Variants in HS2ST1 observed in about 807,000 individuals in gnomAD.
The protein encoded by HS2ST1 is heparan sulfate 2-O-sulfotransferase 1.
HS2ST1 carries 18 observed loss-of-function variants against 42.9 expected under a neutral mutation model. The observed-to-expected ratio is 0.42, with a 90% CI of 0.29 to 0.62. The LOEUF is 0.62. HS2ST1 is among the 20% of genes least tolerant of loss of function. The pLI, the probability that HS2ST1 is intolerant of heterozygous loss-of-function variation, is 0.21. For missense variants in HS2ST1, 334 were observed against 433.8 expected (o/e 0.77, Z 2.04); for synonymous variants, 146 against 152.9 (o/e 0.95, Z 0.33).
chr1:87,098,889 T>G (rs1322316236), intron 5 of HS2ST1, among the ~76,000 whole-genome samples: 1 of 152,104 alleles, frequency 6.6e-6, no homozygotes, highest in East Asian at 1.9e-4. Context: ...TCACAATTCT[T>G]CTGTCTCAGC....
intron 1 of HS2ST1, among the ~76,000 whole-genome samples, chr1:86,989,773 A>C (rs1219050115): frequency 6.6e-6 from 1 of 151,942 alleles, no homozygotes; most frequent in Non-Finnish European, 1.5e-5. Context: ...CCCTGTGTCC[A>C]TGTGTTCTCA....
chr1:87,085,281 T>G (rs1651794226), intron 3 of HS2ST1, among the ~76,000 whole-genome samples: 1 of 152,184 alleles, frequency 6.6e-6, no homozygotes, highest in African/African-American at 2.4e-5. Context: ...CACACCTTGA[T>G]ATATTGGTCA....
chr1:87,090,850 G>A (rs539030200), intron 3 of HS2ST1, among the ~76,000 whole-genome samples: 2 of 151,976 alleles, frequency 1.3e-5, no homozygotes, highest in South Asian at 4.1e-4. Flanking sequence ...CTGGCACTTA[G>A]CTGCCTCAAG....
At chr1:86,924,070 A>G (rs960190960) in intron 1 of HS2ST1, among the ~76,000 whole-genome samples, 10 of 152,242 alleles carry the variant, frequency 6.6e-5, no homozygotes, top group Admixed American at 5.9e-4. Flanking sequence ...CATTGGGTAA[A>G]TACAGCCATT....
chr1:87,099,084 C>A (rs144468556), intron 5 of HS2ST1, among the ~76,000 whole-genome samples: 2 of 152,284 alleles, frequency 1.3e-5, no homozygotes, highest in African/African-American at 4.8e-5. Flanking sequence ...AGCTGTGTCA[C>A]CTGTTTTATA....
intron 1 of HS2ST1, among the ~76,000 whole-genome samples, chr1:87,004,576 A>G (rs1272603609): frequency 6.6e-6 from 1 of 152,246 alleles, no homozygotes; most frequent in African/African-American, 2.4e-5. Context: ...AGAAATATTT[A>G]CTCTGTATTA....
At chr1:87,002,994 C>T (rs965779527) in intron 1 of HS2ST1, among the ~76,000 whole-genome samples, 1 of 152,178 alleles carries the variant, frequency 6.6e-6, no homozygotes, top group Non-Finnish European at 1.5e-5. Context: ...GCAATAGGTG[C>T]AGAGGTTGGA....
chr1:87,098,347 G>C, intron 5 of HS2ST1: 2 of 985,240 alleles, frequency 2.0e-6, no homozygotes, highest in Non-Finnish European at 2.4e-6. Flanking sequence ...AACTGATTTT[G>C]ACTTTAAGAG....
intron 1 of HS2ST1, chr1:86,993,271 CA>C (rs1649010874): frequency 9.7e-7 from 1 of 1,028,278 alleles, no homozygotes; most frequent in Admixed American, 2.9e-5. Flanking sequence ...TAGGATTTGG[CA>C]GGGGGGTACC....
At chr1:87,007,338 A>T (rs1238585824) in intron 1 of HS2ST1, among the ~76,000 whole-genome samples, 1 of 152,078 alleles carries the variant, frequency 6.6e-6, no homozygotes, top group Admixed American at 6.5e-5. Flanking sequence ...ATATTTTGTG[A>T]TGCTTGGCTT....
chr1:87,009,389 G>A (rs1314322281), intron 1 of HS2ST1, among the ~76,000 whole-genome samples: 1 of 152,148 alleles, frequency 6.6e-6, no homozygotes, highest in Admixed American at 6.6e-5. Context: ...GGAGCAACTG[G>A]TCTTGTTATT....
At chr1:87,046,465 T>G in intron 1 of HS2ST1, 1 of 1,059,556 alleles carries the variant, frequency 9.4e-7, no homozygotes, top group South Asian at 1.2e-5. Flanking sequence ...TTAAACGTAT[T>G]TCCACTAAGG....
intron 1 of HS2ST1, among the ~76,000 whole-genome samples, chr1:86,950,368 G>T (rs932620275): frequency 5.3e-5 from 8 of 151,986 alleles, no homozygotes; most frequent in Non-Finnish European, 8.8e-5. Context: ...AGATAGGTAG[G>T]TAGGTAGGTA....
chr1:87,079,481 C>G lies in HS2ST1; in HGVS notation c.364-4713C>G, dbSNP rs541974817. Among the ~76,000 whole-genome samples the G allele has an allele frequency of 1.2e-3, 178 of 152,092 alleles. 1 individual carries two copies. Among genetic ancestry groups the G allele is most frequent in the African/African-American group, 4.0e-3 (167 of 41,394 alleles). On this transcript the variant is annotated intron_variant, in intron 2 of 6. Transcript: ENST00000370550. ...GACTGTTTTCTAGATTAGTGTGAAC[C>G]ATGTTAGCCATACTGACATCATTTA...
intron 1 of HS2ST1, among the ~76,000 whole-genome samples, chr1:87,001,165 G>A (rs897482007): frequency 6.6e-6 from 1 of 152,178 alleles, no homozygotes; most frequent in African/African-American, 2.4e-5. Flanking sequence ...AAAATGTTGT[G>A]TGGAGATAAT....
At chr1:86,955,102 T>C (rs988712962) in intron 1 of HS2ST1, among the ~76,000 whole-genome samples, 1 of 152,154 alleles carries the variant, frequency 6.6e-6, no homozygotes, top group East Asian at 1.9e-4. Context: ...AAATCTTAAG[T>C]GTACAGCTTG....
chr1:87,007,782 CTG>C (rs1355128822), intron 1 of HS2ST1, among the ~76,000 whole-genome samples: 1 of 152,084 alleles, frequency 6.6e-6, no homozygotes, highest in East Asian at 1.9e-4. Context: ...GTGTCCTTGT[CTG>C]TCTTTCATTA....
chr1:86,980,007 A>G (rs1557502547), intron 1 of HS2ST1, among the ~76,000 whole-genome samples: 1 of 152,224 alleles, frequency 6.6e-6, no homozygotes, highest in Non-Finnish European at 1.5e-5. Flanking sequence ...AATATAAAAG[A>G]CAAATTACTT....
intron 1 of HS2ST1, among the ~76,000 whole-genome samples, chr1:87,063,436 A>G (rs1651166607): frequency 6.6e-6 from 1 of 152,114 alleles, no homozygotes; most frequent in Admixed American, 6.5e-5. Context: ...TCCCAGGTTC[A>G]AGTGATTCTC....
Sources: allele counts gnomAD v4.1 joint callset (sites outside exome capture counted in the v4.1 genomes callset), GRCh38; gene constraint gnomAD v4.1.1; transcripts MANE v1.5; gene names NCBI Gene and HGNC (gene_info 2026-07-23, HGNC 2026-07-21).